The following SLC25A13 variants were observed in gnomAD, a reference collection of about 807,000 sequenced individuals.
The protein encoded by SLC25A13 is solute carrier family 25 member 13, also known as electrogenic aspartate/glutamate antiporter SLC25A13, mitochondrial.
In SLC25A13, 70 loss-of-function variants were observed where a neutral mutation model predicts 85.5. That is an observed-to-expected ratio of 0.82 (90% CI 0.68 to 1.00). The LOEUF (loss-of-function observed/expected upper bound fraction) is 1.00, where lower values mean the gene tolerates loss of function less well. SLC25A13 is among the 50% of genes least tolerant of loss of function. The probability of loss-of-function intolerance (pLI) is 0.00; values close to 1 mark genes in which losing one functional copy is unlikely to be tolerated. For synonymous variants in SLC25A13, 259 were observed against 288.7 expected (o/e 0.90, Z 1.04); for missense variants, 765 against 819.8 (o/e 0.93, Z 0.82).
intron 3 of SLC25A13, among the ~76,000 whole-genome samples, chr7:96,268,882 G>A (rs1340997804): frequency 1.3e-5 from 2 of 152,108 alleles, no homozygotes; most frequent in African/African-American, 4.8e-5. Context: ...CCCTCTGCCT[G>A]CAACTCTCTG....
At chr7:96,208,584 C>T (rs1795552626) in intron 5 of SLC25A13, among the ~76,000 whole-genome samples, 1 of 151,332 alleles carries the variant, frequency 6.6e-6, no homozygotes, top group African/African-American at 2.4e-5. Flanking sequence ...CAGCTCACTG[C>T]AAGCTCCACC....
At chr7:96,239,847 A>G (rs2116831501) in intron 3 of SLC25A13, among the ~76,000 whole-genome samples, 1 of 152,356 alleles carries the variant, frequency 6.6e-6, no homozygotes, top group East Asian at 1.9e-4. Context: ...AGCCATTTAT[A>G]ACAGTAGCGA....
chr7:96,173,615 A>G (rs561905255), intron 11 of SLC25A13, among the ~76,000 whole-genome samples: 1 of 151,106 alleles, frequency 6.6e-6, no homozygotes, highest in Non-Finnish European at 1.5e-5. Flanking sequence ...AGCCCTCACT[A>G]TGTTGCCCAG....
intron 14 of SLC25A13, among the ~76,000 whole-genome samples, chr7:96,143,436 A>G (rs1306973759): frequency 6.6e-6 from 1 of 152,214 alleles, no homozygotes; most frequent in Non-Finnish European, 1.5e-5. Flanking sequence ...TTTAAAAAGA[A>G]GTAGACATTG....
intron 11 of SLC25A13, among the ~76,000 whole-genome samples, chr7:96,176,207 C>A (rs1450539986): frequency 6.6e-6 from 1 of 152,148 alleles, no homozygotes; most frequent in African/African-American, 2.4e-5. Flanking sequence ...TCATCACAAC[C>A]ACAATTAAGT....
At chr7:96,155,202 G>C (rs117898741) in intron 13 of SLC25A13, among the ~76,000 whole-genome samples, 3,134 of 152,276 alleles carry the variant, frequency 0.021, 51 homozygotes, top group Non-Finnish European at 0.034. Context: ...ATTTGAGTCT[G>C]AAAGTACACT....
At chr7:96,254,435 C>A (rs976875624) in intron 3 of SLC25A13, among the ~76,000 whole-genome samples, 2 of 152,202 alleles carry the variant, frequency 1.3e-5, no homozygotes, top group African/African-American at 4.8e-5. Context: ...CTCCAGCTTG[C>A]AGACAGCTGA....
intron 3 of SLC25A13, among the ~76,000 whole-genome samples, chr7:96,257,639 AAG>A (rs1797691786): frequency 6.6e-6 from 1 of 152,216 alleles, no homozygotes; most frequent in African/African-American, 2.4e-5. Flanking sequence ...CAGAGGTACA[AAG>A]AGGAGCTGGT....
At chr7:96,213,398 C>T (rs1252624822) in intron 4 of SLC25A13, among the ~76,000 whole-genome samples, 2 of 152,130 alleles carry the variant, frequency 1.3e-5, no homozygotes, top group African/African-American at 2.4e-5. Context: ...GGAACAAGTC[C>T]CAGCTCTCAT....
At chr7:96,228,069 G>C (rs1796385369) in intron 4 of SLC25A13, among the ~76,000 whole-genome samples, 1 of 152,092 alleles carries the variant, frequency 6.6e-6, no homozygotes, top group Admixed American at 6.5e-5. Flanking sequence ...TCACTGTGTT[G>C]GACAGGCTGG....
chr7:96,234,987 A>G (rs1796692279), intron 3 of SLC25A13, 70 bp from the exon 4 acceptor site: 2 of 1,084,228 alleles, frequency 1.8e-6, no homozygotes, highest in Non-Finnish European at 2.8e-6. Flanking sequence ...ACAAACATAC[A>G]CTGAGGGAAA....
chr7:96,255,481 T>G (rs1174026273), intron 3 of SLC25A13, among the ~76,000 whole-genome samples: 1 of 151,984 alleles, frequency 6.6e-6, no homozygotes, highest in Non-Finnish European at 1.5e-5. Flanking sequence ...AGCCCAGAAG[T>G]TTAAGACCAG....
intron 15 of SLC25A13, among the ~76,000 whole-genome samples, chr7:96,128,752 TATAATAATA>T (rs367558778): frequency 0.11 from 15,212 of 139,852 alleles, 1,219 homozygotes; most frequent in East Asian, 0.37. Context: ...GAACTTAAAG[TATAATAATA>T]ATAATAATAA....
At chr7:96,233,581 C>T (rs879052399) in intron 4 of SLC25A13, among the ~76,000 whole-genome samples, 1 of 152,064 alleles carries the variant, frequency 6.6e-6, no homozygotes, top group African/African-American at 2.4e-5. Context: ...GACGGAATGG[C>T]GAAGGGGGTT....
At chr7:96,136,187 T>A (rs992527546) in intron 14 of SLC25A13, among the ~76,000 whole-genome samples, 3 of 152,162 alleles carry the variant, frequency 2.0e-5, no homozygotes, top group Admixed American at 1.3e-4. Flanking sequence ...TCCATCATCA[T>A]CCTATTTAAG....
chr7:96,176,507 A>G (rs1269394386), intron 11 of SLC25A13, among the ~76,000 whole-genome samples: 1 of 152,222 alleles, frequency 6.6e-6, no homozygotes, highest in Non-Finnish European at 1.5e-5. Context: ...TAATGCGAGA[A>G]AAGATTTACA....
chr7:96,243,261 G>A (rs532191893), intron 3 of SLC25A13, among the ~76,000 whole-genome samples: 6 of 152,212 alleles, frequency 3.9e-5, no homozygotes, highest in South Asian at 4.2e-4. Flanking sequence ...CAACCACACC[G>A]GCCCCAGAGT....
chr7:96,196,941 G>A (rs1795085824), intron 5 of SLC25A13, among the ~76,000 whole-genome samples: 9 of 152,194 alleles, frequency 5.9e-5, no homozygotes, highest in Admixed American at 5.9e-4. Flanking sequence ...AGCAGGCACT[G>A]CTGTAAAGCA....
intron 14 of SLC25A13, among the ~76,000 whole-genome samples, chr7:96,132,893 A>G (rs187930154): frequency 1.2e-4 from 19 of 152,314 alleles, no homozygotes; most frequent in Admixed American, 6.5e-4. Context: ...CCAAACTGTC[A>G]AAGTTATTTA....
Sources: allele counts gnomAD v4.1 joint callset (sites outside exome capture counted in the v4.1 genomes callset), GRCh38; gene constraint gnomAD v4.1.1; transcripts MANE v1.5; gene names NCBI Gene and HGNC (gene_info 2026-07-23, HGNC 2026-07-21).